The following FOXP1 variants were observed in gnomAD, a reference collection of about 807,000 sequenced individuals.
FOXP1 encodes the protein forkhead box protein P1.
Under a neutral mutation model 98.2 loss-of-function variants are expected in FOXP1, and 15 were observed. The observed-to-expected ratio is 0.15, with a 90% CI of 0.10 to 0.24. The LOEUF (loss-of-function observed/expected upper bound fraction) is 0.24. Among genes scored for constraint, FOXP1 ranks in the 10% least tolerant of loss-of-function variants. FOXP1 has a pLI of 1.00. For missense variants in FOXP1, 633 were observed against 848.5 expected, an observed-to-expected ratio of 0.75 and a Z score of 3.15; for synonymous variants, 371 against 314.5, an observed-to-expected ratio of 1.18 and a Z score of -1.90.
chr3:71,331,780 A>G (rs932021712), intron 4 of FOXP1, among the ~76,000 whole-genome samples: 6 of 152,138 alleles, frequency 3.9e-5, no homozygotes, highest in Admixed American at 1.3e-4. Flanking sequence ...AAATACGCCA[A>G]TCAGTACTCT....
At chr3:71,152,888 G>C (rs182723816) in intron 6 of FOXP1, among the ~76,000 whole-genome samples, 3 of 152,108 alleles carry the variant, frequency 2.0e-5, no homozygotes, top group African/African-American at 4.8e-5. Context: ...GAGTGGAAAG[G>C]TTCTGAGCTG....
chr3:71,049,811 C>A (rs1236618867), intron 9 of FOXP1, among the ~76,000 whole-genome samples: 1 of 152,136 alleles, frequency 6.6e-6, no homozygotes, highest in Non-Finnish European at 1.5e-5. Context: ...CATTTTAGCA[C>A]AAAAGGACCA....
At chr3:71,100,555 C>T (rs1198657256) in intron 7 of FOXP1, among the ~76,000 whole-genome samples, 5 of 152,186 alleles carry the variant, frequency 3.3e-5, no homozygotes, top group African/African-American at 4.8e-5. Flanking sequence ...AACTTAGGAA[C>T]GGGACAGCCC....
At chr3:71,548,913 T>A (rs896994585) in intron 2 of FOXP1, among the ~76,000 whole-genome samples, 3 of 152,182 alleles carry the variant, frequency 2.0e-5, no homozygotes, top group Non-Finnish European at 4.4e-5. Flanking sequence ...AGCAGGACCA[T>A]GATGAGGTAA....
intron 3 of FOXP1, among the ~76,000 whole-genome samples, chr3:71,461,607 C>A (rs553901638): frequency 6.6e-6 from 1 of 152,058 alleles, no homozygotes; most frequent in East Asian, 1.9e-4. Flanking sequence ...TCAAGACCAG[C>A]CTGGCCAAGA....
intron 3 of FOXP1, among the ~76,000 whole-genome samples, chr3:71,386,786 T>C (rs993437277): frequency 6.6e-6 from 1 of 151,558 alleles, no homozygotes; most frequent in African/African-American, 2.4e-5. Context: ...GGAAGCTTAT[T>C]ACCAGTAAAA....
intron 5 of FOXP1, among the ~76,000 whole-genome samples, chr3:71,285,128 C>T (rs2071974016): frequency 6.6e-6 from 1 of 152,098 alleles, no homozygotes; most frequent in African/African-American, 2.4e-5. Flanking sequence ...ACATTAACCC[C>T]ACTCCAAAGC....
At chr3:71,416,775 T>G (rs957513737) in intron 3 of FOXP1, among the ~76,000 whole-genome samples, 1 of 150,742 alleles carries the variant, frequency 6.6e-6, no homozygotes, top group Non-Finnish European at 1.5e-5. Flanking sequence ...GGAAGCAGAG[T>G]TAAGATGTGG....
intron 4 of FOXP1, among the ~76,000 whole-genome samples, chr3:71,347,877 T>G (rs1029425353): frequency 3.6e-5 from 4 of 110,506 alleles, no homozygotes; most frequent in Admixed American, 1.1e-4. Context: ...AGAGCAAAAC[T>G]CTGTCTCACA....
At chr3:71,271,168 T>C (rs1292749882) in intron 5 of FOXP1, among the ~76,000 whole-genome samples, 1 of 152,186 alleles carries the variant, frequency 6.6e-6, no homozygotes, top group African/African-American at 2.4e-5. Flanking sequence ...AGGTGGAGGT[T>C]GCACTGAGCC....
At chr3:71,567,606 T>TC (rs375815321) in intron 2 of FOXP1, among the ~76,000 whole-genome samples, 1 of 152,326 alleles carries the variant, frequency 6.6e-6, no homozygotes, top group African/African-American at 2.4e-5. Context: ...GCCCCAACTG[T>TC]CCAATGCAGT....
chr3:71,267,237 G>C (rs2069781756), intron 5 of FOXP1, among the ~76,000 whole-genome samples: 1 of 151,982 alleles, frequency 6.6e-6, no homozygotes, highest in Non-Finnish European at 1.5e-5. Flanking sequence ...TTAAAGATTA[G>C]TATTAGGAGC....
intron 3 of FOXP1, among the ~76,000 whole-genome samples, chr3:71,465,959 C>T (rs2088681856): frequency 6.6e-6 from 1 of 152,192 alleles, no homozygotes; most frequent in Non-Finnish European, 1.5e-5. Flanking sequence ...TGAGGTGGAA[C>T]AGTTTCATCT....
intron 7 of FOXP1, among the ~76,000 whole-genome samples, chr3:71,080,362 C>T (rs965636249): frequency 2.0e-5 from 3 of 152,074 alleles, no homozygotes; most frequent in Non-Finnish European, 4.4e-5. Context: ...GAAAATGAAT[C>T]TCTGGAGATG....
intron 2 of FOXP1, among the ~76,000 whole-genome samples, chr3:71,578,171 ATG>A (rs1247238571): frequency 2.6e-5 from 4 of 152,238 alleles, no homozygotes; most frequent in African/African-American, 9.6e-5. Context: ...CTCATGCTGA[ATG>A]CCTTGAAGTT....
At chr3:70,991,039 C>G (rs2040519329) in intron 13 of FOXP1, among the ~76,000 whole-genome samples, 1 of 140,540 alleles carries the variant, frequency 7.1e-6, no homozygotes, top group Non-Finnish European at 1.5e-5. Flanking sequence ...TATGAATGCT[C>G]AACAACTTTC....
chr3:71,394,140 G>A (rs79934122), intron 3 of FOXP1, among the ~76,000 whole-genome samples: 1 of 152,206 alleles, frequency 6.6e-6, no homozygotes, highest in South Asian at 2.1e-4. Context: ...AGCTCCCAAA[G>A]AGCAGAATGT....
intron 5 of FOXP1, among the ~76,000 whole-genome samples, chr3:71,239,377 T>C (rs994372743): frequency 4.6e-5 from 7 of 152,010 alleles, no homozygotes; most frequent in Non-Finnish European, 1.0e-4. Flanking sequence ...ACCCCGTCTC[T>C]ACTAAAAATA....
intron 7 of FOXP1, among the ~76,000 whole-genome samples, chr3:71,065,390 C>G (rs1398217597): frequency 1.3e-5 from 2 of 152,210 alleles, no homozygotes; most frequent in South Asian, 2.1e-4. Context: ...GCCGACTGCT[C>G]CGAGCAACTG....
Sources: gnomAD v4.1 joint callset for allele counts (sites outside exome capture counted in the v4.1 genomes callset) on GRCh38, gnomAD v4.1.1 for gene constraint, MANE v1.5 for transcripts, NCBI Gene and HGNC (gene_info 2026-07-23, HGNC 2026-07-21) for gene names.